MAP3K13: variants seen among roughly 807,000 people sequenced by gnomAD.
MAP3K13 encodes the protein mitogen-activated protein kinase kinase kinase 13.
MAP3K13 carries 52 observed loss-of-function variants against 104.0 expected under a neutral mutation model. That is an observed-to-expected ratio of 0.50 (90% CI 0.40 to 0.63). The LOEUF (loss-of-function observed/expected upper bound fraction) is 0.63, where lower values mean the gene tolerates loss of function less well. Among genes scored for constraint, MAP3K13 ranks in the 20% least tolerant of loss-of-function variants. MAP3K13 has a pLI of 0.00. For synonymous variants in MAP3K13, 394 were observed against 442.2 expected, an observed-to-expected ratio of 0.89 and a Z score of 1.37; for missense variants, 914 against 1,218.5, an observed-to-expected ratio of 0.75 and a Z score of 3.72.
intron 2 of MAP3K13, among the ~76,000 whole-genome samples, chr3:185,319,130 A>G (rs1345047495): frequency 6.6e-6 from 1 of 152,142 alleles, no homozygotes. Context: ...TTTTTTTAAA[A>G]AAAAATCTAC....
At chr3:185,474,916 G>A (rs1718023174) in intron 11 of MAP3K13, among the ~76,000 whole-genome samples, 1 of 151,916 alleles carries the variant, frequency 6.6e-6, no homozygotes, top group South Asian at 2.1e-4. Context: ...CCAGCATGGT[G>A]AAATCCTATC....
intron 1 of MAP3K13, among the ~76,000 whole-genome samples, chr3:185,376,610 G>T (rs1724444804): frequency 6.6e-6 from 1 of 152,064 alleles, no homozygotes; most frequent in Non-Finnish European, 1.5e-5. Flanking sequence ...GAATGGAAAG[G>T]GGAGTAGGGA....
rs1201924262 is a variant in MAP3K13 at position 185,483,211 on chromosome 3, A to T, written c.*755A>T. 1 of 232,876 alleles carries T rather than the reference A, an allele frequency of 4.3e-6. No homozygotes were observed. Among genetic ancestry groups the T allele is most frequent in the Non-Finnish European group, 8.5e-6 (1 of 117,868 alleles). The allele number at this position is 232,876 out of a possible 1,614,324, so 14.4% of individuals were successfully genotyped here. A position where few individuals can be genotyped will look rare whatever the true frequency, so the allele number is the denominator to read the frequency against. ...ATGTGGAAGCTGGTTTCATTTTTAA[A>T]TGTTTAAGCAGCAGTTGGTAGTGAG... On this transcript the variant is annotated 3_prime_UTR_variant, in exon 14 of 14. Coordinates refer to ENST00000265026, the MANE Select transcript of MAP3K13 (RefSeq NM_004721.5).
At chr3:185,300,660 T>C (rs1324322176) in intron 2 of MAP3K13, among the ~76,000 whole-genome samples, 1 of 151,830 alleles carries the variant, frequency 6.6e-6, no homozygotes, top group Admixed American at 6.6e-5. Flanking sequence ...GCTGGCTAAT[T>C]TTTGTATTTT....
At chr3:185,421,581 T>G (rs758160108) in intron 1 of MAP3K13, among the ~76,000 whole-genome samples, 1 of 152,206 alleles carries the variant, frequency 6.6e-6, no homozygotes, top group Non-Finnish European at 1.5e-5. Context: ...TCCCTTTGAC[T>G]CTCAACATTC....
At chr3:185,323,717 T>G in intron 2 of MAP3K13, among the ~76,000 whole-genome samples, 1 of 152,210 alleles carries the variant, frequency 6.6e-6, no homozygotes, top group African/African-American at 2.4e-5. Flanking sequence ...GATTTCCATC[T>G]TTTTCTTTTG....
At position 185,487,449 on chromosome 3, in the gene MAP3K13, A is replaced by G. The variant is rs1327182499; in HGVS notation, c.*4993A>G. The G allele has an allele frequency of 6.6e-6, 1 of 151,806 alleles. No individual in the cohort carries two copies. Among genetic ancestry groups the G allele is most frequent in the Non-Finnish European group, 1.5e-5 (1 of 68,050 alleles). 9.4% of individuals were successfully genotyped at this position (151,806 alleles called of 1,614,324 possible). A position where few individuals can be genotyped will look rare whatever the true frequency, so the allele number is the denominator to read the frequency against. ...CCAAAGTACTGGGATTACAAACGTG[A>G]GCTGCCATGCCCAGCCTCCAGACTA... On this transcript the variant is annotated 3_prime_UTR_variant, in exon 14 of 14. Coordinates refer to ENST00000265026, the MANE Select transcript of MAP3K13 (RefSeq NM_004721.5).
At chr3:185,455,350 GAT>G (rs1345247083) in intron 7 of MAP3K13, among the ~76,000 whole-genome samples, 1,599 of 25,062 alleles carry the variant, frequency 0.064, 344 homozygotes, top group African/African-American at 0.14. Context: ...AGATATATAT[GAT>G]ATATATATGA....
intron 1 of MAP3K13, among the ~76,000 whole-genome samples, chr3:185,412,750 A>G (rs1387772702): frequency 6.6e-6 from 1 of 152,230 alleles, no homozygotes; most frequent in African/African-American, 2.4e-5. Context: ...TTACTGCTCT[A>G]TTAAAATTCG....
At chr3:185,312,214 A>ACTTG (rs1721518050) in intron 2 of MAP3K13, among the ~76,000 whole-genome samples, 1 of 152,216 alleles carries the variant, frequency 6.6e-6, no homozygotes, top group South Asian at 2.1e-4. Flanking sequence ...TTACTTGTAT[A>ACTTG]CTTCTGACTG....
chr3:185,477,069 CCTCT>C (rs1718173011), intron 11 of MAP3K13: 3 of 602,728 alleles, frequency 5.0e-6, no homozygotes, highest in Admixed American at 2.1e-5. Context: ...AGAGCCATCA[CCTCT>C]CTGAGGACAA....
chr3:185,424,219 C>T (rs1714291032), intron 1 of MAP3K13, among the ~76,000 whole-genome samples: 1 of 152,152 alleles, frequency 6.6e-6, no homozygotes, highest in Non-Finnish European at 1.5e-5. Context: ...GCCTTCATTT[C>T]CTTCCATGAA....
chr3:185,480,802 C>T (rs896402708), intron 13 of MAP3K13, among the ~76,000 whole-genome samples: 1 of 152,138 alleles, frequency 6.6e-6, no homozygotes, highest in Non-Finnish European at 1.5e-5. Context: ...AGGAAGCAAG[C>T]ATGTCTTCAC....
chr3:185,420,677 C>T (rs1037725946), intron 1 of MAP3K13, among the ~76,000 whole-genome samples: 3 of 152,150 alleles, frequency 2.0e-5, no homozygotes, highest in African/African-American at 7.2e-5. Context: ...ATTTTAGTCA[C>T]ATCAAAAACT....
intron 4 of MAP3K13, among the ~76,000 whole-genome samples, chr3:185,447,480 G>A (rs1368815042): frequency 9.0e-6 from 1 of 111,532 alleles, no homozygotes; most frequent in Non-Finnish European, 1.7e-5. Flanking sequence ...GGCGGCAAGA[G>A]TGAAACTCTG....
At chr3:185,370,605 T>TCTGGTG (rs1486904306) in intron 1 of MAP3K13, among the ~76,000 whole-genome samples, 5 of 152,322 alleles carry the variant, frequency 3.3e-5, no homozygotes, top group Admixed American at 3.3e-4. Flanking sequence ...TGATGGATTA[T>TCTGGTG]AGGTTAAATC....
intron 1 of MAP3K13, among the ~76,000 whole-genome samples, chr3:185,368,414 T>G (rs1314148123): frequency 6.6e-6 from 1 of 152,208 alleles, no homozygotes; most frequent in Non-Finnish European, 1.5e-5. Context: ...TTTAAAATCT[T>G]CTGTAGCACT....
chr3:185,308,283 C>G (rs896944257), intron 2 of MAP3K13, among the ~76,000 whole-genome samples: 3 of 151,922 alleles, frequency 2.0e-5, no homozygotes, highest in Non-Finnish European at 2.9e-5. Context: ...TTGCTGGTTT[C>G]TTTTTTAGGC....
At chr3:185,452,724 C>G (rs935831156) in intron 7 of MAP3K13, among the ~76,000 whole-genome samples, 8 of 152,184 alleles carry the variant, frequency 5.3e-5, no homozygotes, top group African/African-American at 1.9e-4. Flanking sequence ...CACCTGACCA[C>G]TGGCTGGCTA....
Sources: gnomAD v4.1 joint callset for allele counts (sites outside exome capture counted in the v4.1 genomes callset) on GRCh38, gnomAD v4.1.1 for gene constraint, MANE v1.5 for transcripts, NCBI Gene and HGNC (gene_info 2026-07-23, HGNC 2026-07-21) for gene names.